Variants in PCDHGA9 observed in about 807,000 individuals in gnomAD.
PCDHGA9 encodes protocadherin gamma subfamily A, 9.
In PCDHGA9, 37 loss-of-function variants were observed where a neutral mutation model predicts 62.5. The observed-to-expected ratio is 0.59, with a 90% CI of 0.46 to 0.78. The LOEUF is 0.78. PCDHGA9 is among the 30% of genes least tolerant of loss of function. The pLI is 0.00. For missense variants in PCDHGA9, 1,138 were observed against 1,166.2 expected (o/e 0.98, Z 0.35); for synonymous variants, 459 against 484.6 (o/e 0.95, Z 0.69).
intron 1 of PCDHGA9, chr5:141,414,723 C>T (rs775890033): frequency 1.9e-6 from 3 of 1,614,170 alleles, no homozygotes. Context: ...CAGACACTGG[C>T]GTCCTGTATG....
intron 1 of PCDHGA9, chr5:141,428,129 C>T (rs1449809875): frequency 1.2e-6 from 2 of 1,603,336 alleles, no homozygotes; most frequent in Non-Finnish European, 1.7e-6. Context: ...CCGGGCTTTT[C>T]AGCCTGGGGC....
intron 1 of PCDHGA9, chr5:141,426,760 C>T (rs935248232): frequency 4.4e-6 from 2 of 456,284 alleles, no homozygotes; most frequent in African/African-American, 4.0e-5. Context: ...GCTATAGATG[C>T]AGATGTAGGG....
At chr5:141,454,875 T>G (rs2098805612) in intron 1 of PCDHGA9, among the ~76,000 whole-genome samples, 1 of 144,402 alleles carries the variant, frequency 6.9e-6, no homozygotes, top group African/African-American at 2.6e-5. Context: ...TGGCACGATC[T>G]TGGCTCACTG....
chr5:141,421,235 A>G (rs1375447356), intron 1 of PCDHGA9: 3 of 1,594,470 alleles, frequency 1.9e-6, no homozygotes, highest in East Asian at 2.2e-5. Context: ...GCCATGGCGA[A>G]TCGGCTACAG....
In PCDHGA9 at chr5:141,477,794, C is replaced by A. The variant is rs148942362; in HGVS notation, c.2425-17013C>A. On this transcript the variant is annotated intron_variant, in intron 1 of 3. Coordinates refer to ENST00000573521, the MANE Select transcript of PCDHGA9 (RefSeq NM_018921.3). This position sits in a 1 kb window ranked among gnomAD's most constrained non-coding sequence, Gnocchi z 4.9. ...CAGCGTGAACATATTTGTCACTGAT[C>A]GCAATGACAATGCCCCCCAGGTCCT... The A allele has an allele frequency of 5.6e-6, 9 of 1,614,086 alleles. No individual in the cohort carries two copies. Among genetic ancestry groups the A allele is most frequent in the Non-Finnish European group, 7.6e-6 (9 of 1,180,030 alleles).
rs948944459 is a variant in PCDHGA9 at position 141,476,485 on chromosome 5, G to T, written c.2425-18322G>T. 1 of 1,614,076 alleles carries T rather than the reference G, an allele frequency of 6.2e-7. No individual in the cohort carries two copies. The highest frequency in any genetic ancestry group is 8.5e-7 in the Non-Finnish European group (1 of 1,180,016). ...CGCTGGAGCTGTTCAGCGTGGAAGT[G>T]GTGATCCAGGACATCAACGACAACA... is the stretch of plus-strand genomic sequence containing the variant. On this transcript the variant is annotated intron_variant, in intron 1 of 3. Coordinates refer to ENST00000573521, the MANE Select transcript of PCDHGA9 (RefSeq NM_018921.3). The surrounding 1 kb of genome is among the most constrained non-coding windows in gnomAD (Gnocchi z 7.6).
At chr5:141,496,768 A>G (rs997951321) in intron 2 of PCDHGA9, among the ~76,000 whole-genome samples, 10 of 152,260 alleles carry the variant, frequency 6.6e-5, no homozygotes, top group African/African-American at 2.4e-4. Context: ...TCGAGCATCT[A>G]CTATGAGCAG....
chr5:141,455,314 T>G (rs565911988), intron 1 of PCDHGA9, among the ~76,000 whole-genome samples: 15 of 152,208 alleles, frequency 9.9e-5, no homozygotes, highest in African/African-American at 3.4e-4. Flanking sequence ...ATTAGCAATT[T>G]TGTGTGTGTG....
At chr5:141,480,859 A>G (rs1197372110) in intron 1 of PCDHGA9, among the ~76,000 whole-genome samples, 2 of 152,178 alleles carry the variant, frequency 1.3e-5, no homozygotes, top group Non-Finnish European at 2.9e-5. Context: ...AGCCTGGCCA[A>G]TATGGTGAAA....
chr5:141,497,538 AC>A lies in PCDHGA9; in HGVS notation c.2483+2675del, dbSNP rs1247704872. Among the ~76,000 whole-genome samples, 601 of 142,636 alleles carry A rather than the reference AC, an allele frequency of 4.2e-3. 3 individuals are homozygous for A. Among genetic ancestry groups the A allele is most frequent in the African/African-American group, 0.013 (497 of 38,408 alleles). The allele number at this position is 142,636 out of a possible 152,430, so 93.6% of individuals were successfully genotyped here. On this transcript the variant is annotated intron_variant, in intron 2 of 3. Coordinates refer to ENST00000573521, the MANE Select transcript of PCDHGA9 (RefSeq NM_018921.3). ...AGTTAACTTGTGGAGGATGCAACAA[AC>A]CTTTTTTTTTTTTTTTTTTAGACAG...
At position 141,489,397 on chromosome 5, in the gene PCDHGA9, G is replaced by A. The variant is rs1307106048; in HGVS notation, c.2425-5410G>A. 2.5e-6 allele frequency: 4 copies of A among 1,614,058 alleles called. No homozygotes were observed. The highest frequency in any genetic ancestry group is 2.7e-5 in the African/African-American group (2 of 74,914). ...GGTGGGGAATGTTGCTCAGGATCTG[G>A]GCTTAAAGATGACAGATCTGTTGAG... On this transcript the variant is annotated intron_variant, in intron 1 of 3. Transcript: ENST00000573521. This position sits in a 1 kb window ranked among gnomAD's most constrained non-coding sequence, Gnocchi z 4.5.
At chr5:141,418,966 C>T (rs754269610) in intron 1 of PCDHGA9, 44 of 1,613,892 alleles carry the variant, frequency 2.7e-5, no homozygotes, top group Non-Finnish European at 3.6e-5. Flanking sequence ...TTGCCCTCTT[C>T]AAAACACGGG....
chr5:141,428,858 GACT>G (rs1348026268), intron 1 of PCDHGA9: 1 of 139,194 alleles, frequency 7.2e-6, no homozygotes, highest in African/African-American at 3.0e-5. Flanking sequence ...TTTTACGGGA[GACT>G]TTTTTTTTTT....
rs1562137828 is a variant in PCDHGA9 at position 141,490,359 on chromosome 5, T to C, written c.2425-4448T>C. On this transcript the variant is annotated intron_variant, in intron 1 of 3. Transcript: ENST00000573521. This position sits in a 1 kb window ranked among gnomAD's most constrained non-coding sequence, Gnocchi z 5.4. ...TGGGCACAGTAGTGGGGTTGTTTAA[T>C]GTGCGAGACCGGGACTCAGGTAGAA... The C allele has an allele frequency of 1.9e-6, 3 of 1,614,212 alleles. No individual in the cohort carries two copies. The highest frequency in any genetic ancestry group is 2.5e-6 in the Non-Finnish European group (3 of 1,180,036).
At chr5:141,427,599 C>T (rs1233253295) in intron 1 of PCDHGA9, 3 of 682,980 alleles carry the variant, frequency 4.4e-6, no homozygotes, top group South Asian at 3.0e-5. Flanking sequence ...CCTCACCCTA[C>T]GCATTGGTGA....
chr5:141,454,232 G>T (rs2098784520), intron 1 of PCDHGA9, among the ~76,000 whole-genome samples: 1 of 152,146 alleles, frequency 6.6e-6, no homozygotes, highest in African/African-American at 2.4e-5. Context: ...TAATTGTGAT[G>T]AAAAGGATGA....
At chr5:141,425,047 A>G (rs1590618154) in intron 1 of PCDHGA9, among the ~76,000 whole-genome samples, 1 of 152,198 alleles carries the variant, frequency 6.6e-6, no homozygotes, top group Non-Finnish European at 1.5e-5. Context: ...TAAACTGACT[A>G]TCTAGGGCTC....
At chr5:141,497,464 T>C (rs1277760390) in intron 2 of PCDHGA9, among the ~76,000 whole-genome samples, 1 of 151,764 alleles carries the variant, frequency 6.6e-6, no homozygotes, top group Admixed American at 6.6e-5. Context: ...CTTGGAGATA[T>C]GGAGGAGAAG....
At position 141,432,908 on chromosome 5, in the gene PCDHGA9, C is replaced by A. The variant is rs757934634; in HGVS notation, c.2424+27532C>A. On this transcript the variant is annotated intron_variant, in intron 1 of 3. Coordinates refer to ENST00000573521, the MANE Select transcript of PCDHGA9 (RefSeq NM_018921.3). This position sits in a 1 kb window ranked among gnomAD's most constrained non-coding sequence, Gnocchi z 6.0. ...CATCTTGCTGCTGGCGCTCAGGCTGCGGCGCTGGCACAAGTCACGCCTGCT... is the reference window on the plus strand; with the variant it reads ...CATCTTGCTGCTGGCGCTCAGGCTGAGGCGCTGGCACAAGTCACGCCTGCT... The A allele has an allele frequency of 1.6e-5, 26 of 1,614,168 alleles. No individual in the cohort carries two copies. Among genetic ancestry groups the A allele is most frequent in the Middle Eastern group, 1.7e-4 (1 of 6,060 alleles).
Sources: allele counts gnomAD v4.1 joint callset (sites outside exome capture counted in the v4.1 genomes callset), GRCh38; gene constraint gnomAD v4.1.1; non-coding constraint Gnocchi (gnomAD v3.1); transcripts MANE v1.5; gene names NCBI Gene and HGNC (gene_info 2026-07-23, HGNC 2026-07-21).